Variants in GCM1 observed in about 807,000 individuals in gnomAD.
The protein encoded by GCM1 is chorion-specific transcription factor GCMa.
Under a neutral mutation model 25.7 loss-of-function variants are expected in GCM1, and 2 were observed. The observed-to-expected ratio is 0.08, with a 90% confidence interval of 0.03 to 0.24. The LOEUF is 0.24. GCM1 is among the 10% of genes least tolerant of loss of function. The pLI is 1.00. For missense variants in GCM1, 395 were observed against 538.7 expected (o/e 0.73, Z 2.64); for synonymous variants, 183 against 195.7 (o/e 0.94, Z 0.54).
At chr6:53,142,870 CAAAAAAA>C (rs60718730) in intron 2 of GCM1, among the ~76,000 whole-genome samples, 2 of 37,534 alleles carry the variant, frequency 5.3e-5, no homozygotes, top group African/African-American at 7.1e-5. Context: ...CAAGGATCTC[CAAAAAAA>C]AAAAAAAAAA....
chr6:53,133,939 G>T, intron 3 of GCM1, 133 bp downstream of exon 3: 1 of 873,440 alleles, frequency 1.1e-6, no homozygotes, highest in Non-Finnish European at 1.8e-6. Flanking sequence ...CTCCATGTCA[G>T]AACAGCCTTG....
At chr6:53,129,070 T>C in intron 5 of GCM1, 124 bp from the exon 6 acceptor site, 2 of 734,814 alleles carry the variant, frequency 2.7e-6, no homozygotes, top group South Asian at 3.7e-5. Flanking sequence ...CCTTACACAT[T>C]AATACTTGAC....
At chr6:53,131,232 TCAGCACA>T (rs1763720524) in intron 4 of GCM1, among the ~76,000 whole-genome samples, 1 of 152,200 alleles carries the variant, frequency 6.6e-6, no homozygotes, top group Admixed American at 6.5e-5. Context: ...CATTTCATCT[TCAGCACA>T]ACCATTGAGG....
intron 2 of GCM1, among the ~76,000 whole-genome samples, chr6:53,139,822 T>C (rs56693058): frequency 2.0e-5 from 3 of 151,956 alleles, no homozygotes; most frequent in African/African-American, 4.8e-5. Flanking sequence ...GATCACACCA[T>C]TGCACTCCAG....
Position 53,128,087 on chromosome 6 carries a change from A to C in GCM1, c.*119T>G, listed in dbSNP as rs1295922441. ...AAAGAAAAAGAAAAAAGCCTTGTCT[A>C]CTGCTTATCATGATTCTCATTTATC... On this transcript the variant is annotated 3_prime_UTR_variant, in exon 6 of 6. Coordinates refer to ENST00000259803, the MANE Select transcript of GCM1 (RefSeq NM_003643.4). The C allele has an allele frequency of 1.7e-6, 1 of 602,468 alleles. No homozygotes were observed. The highest frequency in any genetic ancestry group is 2.8e-6 in the Non-Finnish European group (1 of 355,404). The allele number at this position is 602,468 out of a possible 1,614,324, so 37.3% of individuals were successfully genotyped here.
intron 3 of GCM1, among the ~76,000 whole-genome samples, chr6:53,133,331 ATG>A (rs5876306): frequency 0.068 from 9,850 of 145,066 alleles, 364 homozygotes; most frequent in Middle Eastern, 0.13. Flanking sequence ...CACCCGGCAA[ATG>A]TGTGTGTGTG....
At chr6:53,137,281 T>C (rs76781821) in intron 2 of GCM1, among the ~76,000 whole-genome samples, 4,924 of 152,250 alleles carry the variant, frequency 0.032, 91 homozygotes, top group Middle Eastern at 0.11. Context: ...CTGGTAATTT[T>C]GGGCTTGCTG....
At chr6:53,131,036 T>A in intron 4 of GCM1, 105 bp from the exon 5 acceptor site, 1 of 1,054,226 alleles carries the variant, frequency 9.5e-7, no homozygotes, top group South Asian at 1.4e-5. Flanking sequence ...CCGGGGGTGG[T>A]GTTGCAGTTG....
In GCM1 at chr6:53,131,885, C is replaced by T. The variant is rs1026905474; in HGVS notation, c.441+122G>A. The stretch of plus-strand genomic sequence containing the variant: ...CTATTAGAAGTGCAGGGGACAGATA[C>T]TTGCTCTCTTAGAGTGTGAGCCCTC... On this transcript the variant is annotated intron_variant, in intron 4 of 5. Coordinates refer to ENST00000259803, the MANE Select transcript of GCM1 (RefSeq NM_003643.4). The T allele has an allele frequency of 1.0e-5, 7 of 695,164 alleles. No individual in the cohort carries two copies. In the Admixed American group the frequency reaches 1.3e-4, roughly 12 times the overall value. The allele number at this position is 695,164 out of a possible 1,614,324, so 43.1% of individuals were successfully genotyped here.
rs1763668255 is a variant in GCM1 at position 53,128,050 on chromosome 6, A to AAAAAAAC, written c.*155_*156insGTTTTTT. On this transcript the variant is annotated 3_prime_UTR_variant, in exon 6 of 6. Transcript: ENST00000259803. ...TCTCAAAAAAAAAAAAAAAAAAAAA[A>AAAAAAAC]AAAGAAGGAAAAAAGAAAAAGAAAA... 3.0e-6 allele frequency: 1 copy of AAAAAAAC among 330,850 alleles called. No individual in the cohort carries two copies. The highest frequency in any genetic ancestry group is 5.4e-6 in the Non-Finnish European group (1 of 185,654). 20.5% of individuals were successfully genotyped at this position (330,850 alleles called of 1,614,324 possible).
chr6:53,145,911 G>A (rs955395135), intron 1 of GCM1, 143 bp from the exon 2 acceptor site: 2 of 353,428 alleles, frequency 5.7e-6, no homozygotes, highest in East Asian at 6.4e-5. Flanking sequence ...GGAGCCATAA[G>A]TGATTTTACT....
chr6:53,138,283 A>AG, intron 2 of GCM1, among the ~76,000 whole-genome samples: 1 of 151,404 alleles, frequency 6.6e-6, no homozygotes, highest in East Asian at 1.9e-4. Context: ...TGTCTCAAAA[A>AG]AAAAAAAAAA....
Position 53,128,689 on chromosome 6 carries a change from A to G in GCM1, c.828T>C (p.Ser276=), listed in dbSNP as rs1023399945. 4 of 1,614,068 alleles carry G rather than the reference A, an allele frequency of 2.5e-6. No individual in the cohort carries two copies. Among genetic ancestry groups the G allele is most frequent in the African/African-American group, 1.3e-5 (1 of 75,046 alleles). Residue 276 remains serine (S), a synonymous_variant, in exon 6 of 6, where the codon AGT becomes AGC. Transcript: ENST00000259803. ...RKLSSSRTYS[S]GDLLPPSASG... ...AGGCAGAAGGAGGAAGCAGGTCTCC[A>G]CTACTGTAGGTTCTGCTACTGGACA... is the stretch of plus-strand genomic sequence containing the variant.
intron 4 of GCM1, 87 bp from the exon 5 acceptor site, chr6:53,131,018 G>T: frequency 7.9e-7 from 1 of 1,261,652 alleles, no homozygotes; most frequent in Non-Finnish European, 1.1e-6. Flanking sequence ...TTTACTGTGT[G>T]TCCTGCCCCG....
At chr6:53,146,218 T>TA (rs1562092598) in intron 1 of GCM1, among the ~76,000 whole-genome samples, 1,228 of 40,384 alleles carry the variant, frequency 0.03, 1 homozygote, top group East Asian at 0.065. Context: ...ATATATATAT[T>TA]TTTTTTTTTT....
chr6:53,142,013 A>G (rs1418652660), intron 2 of GCM1, among the ~76,000 whole-genome samples: 6 of 114,388 alleles, frequency 5.2e-5, no homozygotes, highest in Non-Finnish European at 1.1e-4. Flanking sequence ...AAAAAAAAAA[A>G]AAAAAAAAAA....
At position 53,148,185 on chromosome 6, in the gene GCM1, A is replaced by G. The variant is rs372654880; in HGVS notation, c.-137+569T>C. Among the ~76,000 whole-genome samples the G allele has an allele frequency of 4.6e-5, 7 of 152,332 alleles. No homozygotes were observed. The East Asian group carries it at 9.6e-4, about 21-fold the overall frequency. Reference sequence around the variant, plus strand: ...CAAAGGACTTAAATAACAGGTATAGAAGATGCAGATACCAAGCAGCAGTTC... The same window carrying G: ...CAAAGGACTTAAATAACAGGTATAGGAGATGCAGATACCAAGCAGCAGTTC... On this transcript the variant is annotated intron_variant, in intron 1 of 5. Transcript: ENST00000259803.
At chr6:53,145,859 C>T in intron 1 of GCM1, 91 bp from the exon 2 acceptor site, 2 of 460,294 alleles carry the variant, frequency 4.3e-6, no homozygotes, top group Non-Finnish European at 7.6e-6. Context: ...GTTTCACTGA[C>T]ATTTTTGCAA....
chr6:53,142,458 T>A (rs1329737346), intron 2 of GCM1, among the ~76,000 whole-genome samples: 1 of 152,246 alleles, frequency 6.6e-6, no homozygotes, highest in Non-Finnish European at 1.5e-5. Context: ...AATCTGTTTA[T>A]CCTTGTTGAA....
Sources: gnomAD v4.1 joint callset for allele counts (sites outside exome capture counted in the v4.1 genomes callset) on GRCh38, gnomAD v4.1.1 for gene constraint, MANE v1.5 for transcripts, NCBI Gene and HGNC (gene_info 2026-07-23, HGNC 2026-07-21) for gene names.